The following RBFOX1 variants were observed in gnomAD, a reference collection of about 807,000 sequenced individuals.
RBFOX1 encodes the protein RNA binding protein fox-1 homolog 1.
Under a neutral mutation model 57.7 loss-of-function variants are expected in RBFOX1, and 8 were observed. That is an observed-to-expected ratio of 0.14 (90% CI 0.08 to 0.25). The LOEUF (loss-of-function observed/expected upper bound fraction) is 0.25, where lower values mean the gene tolerates loss of function less well. Among genes scored for constraint, RBFOX1 ranks in the 10% least tolerant of loss-of-function variants. The probability of loss-of-function intolerance (pLI) is 1.00; values close to 1 mark genes in which losing one functional copy is unlikely to be tolerated. For synonymous variants in RBFOX1, 326 were observed against 222.4 expected, an observed-to-expected ratio of 1.47 and a Z score of -4.15; for missense variants, 611 against 548.5, an observed-to-expected ratio of 1.11 and a Z score of -1.14.
At chr16:7,329,792 A>G (rs999040111) in intron 4 of RBFOX1, among the ~76,000 whole-genome samples, 7 of 152,222 alleles carry the variant, frequency 4.6e-5, no homozygotes, top group Admixed American at 6.5e-5. Flanking sequence ...AGGTTATTGT[A>G]TCATGGCGTT....
intron 3 of RBFOX1, among the ~76,000 whole-genome samples, chr16:6,819,511 C>A (rs532427991): frequency 1.3e-5 from 2 of 152,054 alleles, no homozygotes; most frequent in East Asian, 3.9e-4. Flanking sequence ...TGAGACCAGC[C>A]TGACCAGCAT....
intron 4 of RBFOX1, among the ~76,000 whole-genome samples, chr16:7,356,041 C>T (rs1054424695): frequency 1.3e-4 from 20 of 152,326 alleles, no homozygotes; most frequent in African/African-American, 3.8e-4. Flanking sequence ...CAAGCTCCAA[C>T]GAGTTCTCTC....
chr16:5,557,758 C>T (rs1054275661), intron 2 of RBFOX1, among the ~76,000 whole-genome samples: 1 of 152,186 alleles, frequency 6.6e-6, no homozygotes, highest in Non-Finnish European at 1.5e-5. Flanking sequence ...GCCCCACCCC[C>T]AAACCTGAAG....
intron 1 of RBFOX1, among the ~76,000 whole-genome samples, chr16:5,411,502 C>T (rs1313616367): frequency 6.6e-6 from 1 of 152,140 alleles, no homozygotes; most frequent in Admixed American, 6.5e-5. Context: ...TGATTCTAGG[C>T]CAGTGAGTCT....
chr16:5,742,225 TTCCTTCCTTCCTCC>T (rs1419581859), intron 3 of RBFOX1, among the ~76,000 whole-genome samples: 4 of 55,106 alleles, frequency 7.3e-5, no homozygotes, highest in Admixed American at 2.0e-4. Context: ...CCTTCCTCCC[TTCCTTCCTTCCTCC>T]CTTCCTTCCT....
intron 3 of RBFOX1, among the ~76,000 whole-genome samples, chr16:6,691,105 G>A (rs1383944095): frequency 2.0e-5 from 3 of 152,074 alleles, no homozygotes. Flanking sequence ...GAGATGTTGG[G>A]AAAAGTAAAA....
rs572349589 is a variant in RBFOX1, at chr16:7,049,983, C to G, written c.-15-2074C>G. On this transcript the variant is annotated intron_variant, in intron 3 of 15. Coordinates refer to ENST00000550418, the MANE Select transcript of RBFOX1 (RefSeq NM_018723.4). ...CATTTTATTCACCCCAAATAGAAAC[C>G]TCATACCCATTAAGCAGTCACTCCT... Among the ~76,000 whole-genome samples, 27 of 152,270 alleles carry G rather than the reference C, an allele frequency of 1.8e-4. No individual in the cohort carries two copies. In the South Asian group the frequency reaches 5.4e-3, roughly 30 times the overall value.
chr16:7,530,249 T>C (rs1191410327), intron 5 of RBFOX1, among the ~76,000 whole-genome samples: 1 of 152,116 alleles, frequency 6.6e-6, no homozygotes, highest in African/African-American at 2.4e-5. Context: ...AATGTAAGGA[T>C]GTCCTAAGAG....
chr16:6,634,159 GT>G (rs1194456532), intron 2 of RBFOX1, among the ~76,000 whole-genome samples: 5 of 152,130 alleles, frequency 3.3e-5, no homozygotes, highest in African/African-American at 1.2e-4. Context: ...ATTCATGGAG[GT>G]TCAGAATGGG....
intron 3 of RBFOX1, among the ~76,000 whole-genome samples, chr16:5,805,649 C>T (rs1020810114): frequency 2.0e-5 from 3 of 152,304 alleles, no homozygotes; most frequent in Middle Eastern, 3.4e-3. Flanking sequence ...GCTGTTACCA[C>T]CCCTAGGGTT....
intron 3 of RBFOX1, among the ~76,000 whole-genome samples, chr16:6,828,012 C>T (rs901630809): frequency 2.0e-5 from 3 of 152,138 alleles, no homozygotes; most frequent in Admixed American, 6.5e-5. Context: ...AATTTTTCCC[C>T]AGCACAGAGC....
At chr16:6,413,448 G>C (rs938606048) in intron 2 of RBFOX1, among the ~76,000 whole-genome samples, 1 of 152,138 alleles carries the variant, frequency 6.6e-6, no homozygotes, top group Non-Finnish European at 1.5e-5. Context: ...ACAGGTGTGA[G>C]CCACTGTGTC....
At chr16:5,894,762 C>T (rs1430752319) in intron 4 of RBFOX1, among the ~76,000 whole-genome samples, 2 of 152,082 alleles carry the variant, frequency 1.3e-5, no homozygotes, top group Non-Finnish European at 2.9e-5. Flanking sequence ...TGGCTCACGC[C>T]TGTAATCCCA....
intron 1 of RBFOX1, among the ~76,000 whole-genome samples, chr16:5,247,272 C>A (rs893159837): frequency 6.6e-6 from 1 of 152,206 alleles, no homozygotes; most frequent in African/African-American, 2.4e-5. Context: ...GTCTTGCAAA[C>A]TGTGGTTTGT....
intron 3 of RBFOX1, among the ~76,000 whole-genome samples, chr16:5,750,005 C>T (rs527821890): frequency 5.9e-5 from 9 of 152,034 alleles, no homozygotes; most frequent in African/African-American, 1.7e-4. Context: ...TTTTATGTAC[C>T]TTTGGTCTTT....
intron 3 of RBFOX1, among the ~76,000 whole-genome samples, chr16:5,623,563 C>T (rs544181813): frequency 2.6e-5 from 4 of 152,312 alleles, no homozygotes; most frequent in East Asian, 1.9e-4. Flanking sequence ...CGGAGGACCA[C>T]ATGGTCCCAA....
intron 4 of RBFOX1, among the ~76,000 whole-genome samples, chr16:7,480,401 G>A (rs1328158009): frequency 6.6e-6 from 1 of 152,158 alleles, no homozygotes; most frequent in African/African-American, 2.4e-5. Context: ...GTATATAGTA[G>A]CTGCTCAGAA....
intron 1 of RBFOX1, among the ~76,000 whole-genome samples, chr16:6,117,071 G>A (rs2096504134): frequency 6.6e-6 from 1 of 152,150 alleles, no homozygotes; most frequent in African/African-American, 2.4e-5. Flanking sequence ...CTTCATTAAA[G>A]TCTGATGCCC....
chr16:5,891,223 C>A (rs1001580954), intron 4 of RBFOX1, among the ~76,000 whole-genome samples: 2 of 152,072 alleles, frequency 1.3e-5, no homozygotes, highest in Non-Finnish European at 2.9e-5. Context: ...ATGTGAGGGA[C>A]AGAGGTGTCC....
Sources: gnomAD v4.1 joint callset for allele counts (sites outside exome capture counted in the v4.1 genomes callset) on GRCh38, gnomAD v4.1.1 for gene constraint, MANE v1.5 for transcripts, NCBI Gene and HGNC (gene_info 2026-07-23, HGNC 2026-07-21) for gene names.